PTPRT: variants seen among roughly 807,000 people sequenced by gnomAD.
The protein encoded by PTPRT is receptor-type tyrosine-protein phosphatase T.
In PTPRT, 56 loss-of-function variants were observed where a neutral mutation model predicts 176.8. That is an observed-to-expected ratio of 0.32 (90% CI 0.26 to 0.40). The LOEUF is 0.40. Ranked by LOEUF, PTPRT falls within the 10% of genes least tolerant of loss-of-function variation. The probability of loss-of-function intolerance (pLI) is 1.00; values close to 1 mark genes in which losing one functional copy is unlikely to be tolerated. For missense variants in PTPRT, 1,540 were observed against 1,908.2 expected (o/e 0.81, Z 3.60); for synonymous variants, 783 against 739.0 (o/e 1.06, Z -0.96).
chr20:43,136,200 T>C (rs143440786), intron 1 of PTPRT, among the ~76,000 whole-genome samples: 6 of 152,320 alleles, frequency 3.9e-5, no homozygotes, highest in African/African-American at 1.2e-4. Context: ...GTTTTATGAA[T>C]CATTCTGTAG....
chr20:42,165,196 T>C (rs1989774982), intron 16 of PTPRT, among the ~76,000 whole-genome samples: 1 of 152,154 alleles, frequency 6.6e-6, no homozygotes, highest in Non-Finnish European at 1.5e-5. Flanking sequence ...CCTGCCCCAC[T>C]GCTACCAGCC....
chr20:42,312,161 A>G (rs1033910007), intron 12 of PTPRT, among the ~76,000 whole-genome samples: 2 of 152,216 alleles, frequency 1.3e-5, no homozygotes, highest in African/African-American at 4.8e-5. Context: ...AGGTCTTCGT[A>G]TTCCACATTT....
chr20:43,150,439 C>T (rs1444486234), intron 1 of PTPRT, among the ~76,000 whole-genome samples: 1 of 152,134 alleles, frequency 6.6e-6, no homozygotes, highest in East Asian at 1.9e-4. Context: ...ACGGTTGTCA[C>T]GACTTCCACA....
At chr20:42,829,011 T>C (rs976959957) in intron 2 of PTPRT, among the ~76,000 whole-genome samples, 2 of 150,036 alleles carry the variant, frequency 1.3e-5, no homozygotes, top group African/African-American at 5.0e-5. Flanking sequence ...GCTTGCACCA[T>C]GTGCCTGGAA....
intron 1 of PTPRT, among the ~76,000 whole-genome samples, chr20:43,035,380 T>C (rs1986335058): frequency 6.6e-6 from 1 of 152,130 alleles, no homozygotes; most frequent in African/African-American, 2.4e-5. Flanking sequence ...AGAGAGTAAA[T>C]ATTTCAGAAT....
At chr20:42,085,211 G>C (rs562759198) in intron 28 of PTPRT, among the ~76,000 whole-genome samples, 1 of 152,102 alleles carries the variant, frequency 6.6e-6, no homozygotes, top group East Asian at 1.9e-4. Flanking sequence ...TGAGCAGGGG[G>C]GTAGGGGAGG....
intron 1 of PTPRT, chr20:42,969,014 C>T (rs1041388570): frequency 6.6e-6 from 1 of 152,192 alleles, no homozygotes; most frequent in African/African-American, 2.4e-5. Context: ...TGGAAACTGA[C>T]AAGTCATCAT....
rs58268839 is a variant in PTPRT, at chr20:42,513,201, GGTGTGTGTGT to G, written c.1154-40649_1154-40640del. On this transcript the variant is annotated intron_variant, in intron 7 of 30. Transcript: ENST00000373187. The stretch of plus-strand genomic sequence containing the variant: ...TTTTTCATATGTTCTCTATTGATGG[GGTGTGTGTGT>G]GTGTGTGTGTGTGTGTGTGTGTGTG... Among the ~76,000 whole-genome samples, 512 of 144,658 alleles carry G rather than the reference GGTGTGTGTGT, an allele frequency of 3.5e-3. 3 individuals carry two copies. Among genetic ancestry groups the G allele is most frequent in the African/African-American group, 0.012 (464 of 39,182 alleles). 94.9% of individuals were successfully genotyped at this position (144,658 alleles called of 152,430 possible). A position where few individuals can be genotyped will look rare whatever the true frequency, so the allele number is the denominator to read the frequency against.
At chr20:42,780,149 G>C in intron 4 of PTPRT, 69 bp downstream of exon 4, 1 of 1,216,786 alleles carries the variant, frequency 8.2e-7, no homozygotes, top group Non-Finnish European at 1.2e-6. Context: ...GAATGGAAGG[G>C]ATTGCAGGCT....
chr20:42,108,620 C>CAGT (rs1186850237), intron 23 of PTPRT, among the ~76,000 whole-genome samples: 1 of 151,436 alleles, frequency 6.6e-6, no homozygotes, highest in East Asian at 1.9e-4. Flanking sequence ...ATCTAAGATG[C>CAGT]AGTAGATGCT....
chr20:42,575,733 A>G (rs1439486606), intron 7 of PTPRT, among the ~76,000 whole-genome samples: 1 of 152,028 alleles, frequency 6.6e-6, no homozygotes, highest in Non-Finnish European at 1.5e-5. Flanking sequence ...CTGCTTGCCA[A>G]CCCCTGATGT....
chr20:42,538,846 C>G lies in PTPRT; in HGVS notation c.1154-66284G>C, dbSNP rs532042299. On this transcript the variant is annotated intron_variant, in intron 7 of 30. Transcript: ENST00000373187. ...TCTCCACATTGGACACATTCATACT[C>G]CCACTCATTTCTCCATGTTGTTTGT... 2.6e-5 allele frequency among the ~76,000 whole-genome samples: 4 copies of G among 152,262 alleles called. No individual in the cohort carries two copies. In the South Asian group the frequency reaches 8.3e-4, roughly 32 times the overall value.
intron 7 of PTPRT, among the ~76,000 whole-genome samples, chr20:42,551,506 T>A (rs117536963): frequency 0.018 from 2,695 of 152,290 alleles, 41 homozygotes; most frequent in Middle Eastern, 0.054. Context: ...AAACAGAGAT[T>A]TTTTTTGTTT....
At chr20:42,714,455 T>C (rs1285701230) in intron 6 of PTPRT, among the ~76,000 whole-genome samples, 2 of 152,146 alleles carry the variant, frequency 1.3e-5, no homozygotes, top group African/African-American at 2.4e-5. Context: ...ATAAACAGGA[T>C]ACAATTCTGC....
At chr20:42,902,462 T>C (rs1191637315) in intron 1 of PTPRT, among the ~76,000 whole-genome samples, 1 of 152,126 alleles carries the variant, frequency 6.6e-6, no homozygotes, top group Non-Finnish European at 1.5e-5. Flanking sequence ...TGCTCCCACC[T>C]TGGCCCAGTG....
At chr20:42,617,412 T>A (rs1331948080) in intron 7 of PTPRT, among the ~76,000 whole-genome samples, 3 of 133,416 alleles carry the variant, frequency 2.2e-5, no homozygotes, top group Non-Finnish European at 4.7e-5. Flanking sequence ...TTTTTGGTTG[T>A]GTCTCTGCCC....
At chr20:42,776,384 A>G (rs919130490) in intron 4 of PTPRT, among the ~76,000 whole-genome samples, 3 of 152,196 alleles carry the variant, frequency 2.0e-5, no homozygotes, top group African/African-American at 7.2e-5. Flanking sequence ...GCCTTTAGGG[A>G]AAGCCCTAAT....
At chr20:42,733,554 G>A (rs1012880756) in intron 6 of PTPRT, among the ~76,000 whole-genome samples, 3 of 152,150 alleles carry the variant, frequency 2.0e-5, no homozygotes, top group Non-Finnish European at 4.4e-5. Flanking sequence ...AAGGCAGGTC[G>A]AACTGGAGCT....
intron 9 of PTPRT, among the ~76,000 whole-genome samples, chr20:42,398,331 TA>T (rs2058871587): frequency 6.6e-6 from 1 of 152,220 alleles, no homozygotes; most frequent in Admixed American, 6.5e-5. Context: ...GCAGTAGCCA[TA>T]ATGTATTAAC....
Sources: allele counts gnomAD v4.1 joint callset (sites outside exome capture counted in the v4.1 genomes callset), GRCh38; gene constraint gnomAD v4.1.1; transcripts MANE v1.5; gene names NCBI Gene and HGNC (gene_info 2026-07-23, HGNC 2026-07-21).